Variants in KATNA1 observed in about 807,000 individuals in gnomAD.
KATNA1 encodes the protein katanin catalytic subunit A1.
In KATNA1, 42 loss-of-function variants were observed where a neutral mutation model predicts 62.6. That is an observed-to-expected ratio of 0.67 (90% confidence interval 0.52 to 0.87). The LOEUF (loss-of-function observed/expected upper bound fraction) is 0.87, where lower values mean the gene tolerates loss of function less well. Ranked by LOEUF, KATNA1 falls within the 40% of genes least tolerant of loss-of-function variation. The probability of loss-of-function intolerance (pLI) is 0.00; values close to 1 mark genes in which losing one functional copy is unlikely to be tolerated. For synonymous variants in KATNA1, 186 were observed against 201.9 expected (o/e 0.92, Z 0.67); for missense variants, 498 against 612.5 (o/e 0.81, Z 1.97).
intron 6 of KATNA1, among the ~76,000 whole-genome samples, chr6:149,602,230 G>A (rs148948040): frequency 6.6e-4 from 101 of 152,270 alleles, no homozygotes; most frequent in African/African-American, 2.4e-3. Context: ...AGCTGGGCGT[G>A]GTGGTACATG....
At position 149,601,739 on chromosome 6, in the gene KATNA1, A is replaced by G. The variant is rs1778550324; in HGVS notation, c.743T>C (p.Val248Ala). The G allele has an allele frequency of 6.2e-7, 1 of 1,602,816 alleles. No individual in the cohort carries two copies. Among genetic ancestry groups the G allele is most frequent in the Non-Finnish European group, 8.5e-7 (1 of 1,175,676 alleles). Residue 248 changes from valine to alanine, a missense_variant, in exon 7 of 11, where the codon GTC becomes GCC. Physicochemically the swap from Val to Ala is moderately conservative, Grantham distance 64. Around this residue, in one of 3 missense-constraint regions of KATNA1, gnomAD observed 267 missense variants for 372.6 expected, o/e 0.72. Transcript: ENST00000367411. ...CGTCTTCCCCGTGCCAGGTGGGCCG[A>G]CCATCAGTACTCCCTGTTGCGAATA... The part of the protein sequence containing the change: ...IRRPWKGVLM[V>A]GPPGTGKTLL...
intron 4 of KATNA1, among the ~76,000 whole-genome samples, chr6:149,614,956 G>A (rs180777132): frequency 1.2e-3 from 180 of 152,044 alleles, no homozygotes; most frequent in Admixed American, 0.011. Flanking sequence ...CCAACATGGT[G>A]AAACCGTCTC....
At chr6:149,627,900 G>A (rs1414779079) in intron 3 of KATNA1, among the ~76,000 whole-genome samples, 1 of 151,902 alleles carries the variant, frequency 6.6e-6, no homozygotes, top group Non-Finnish European at 1.5e-5. Context: ...CTGAGGGAGA[G>A]AGCTGTAAGA....
intron 4 of KATNA1, among the ~76,000 whole-genome samples, chr6:149,609,302 C>T (rs1236905502): frequency 1.3e-5 from 2 of 151,474 alleles, no homozygotes; most frequent in African/African-American, 4.9e-5. Flanking sequence ...TAGGGAAAAA[C>T]AATTCAGATG....
chr6:149,624,506 C>T (rs188633337), intron 3 of KATNA1, among the ~76,000 whole-genome samples: 4 of 152,076 alleles, frequency 2.6e-5, no homozygotes, highest in African/African-American at 4.8e-5. Flanking sequence ...CTCAGCCTCC[C>T]GAGTAGCAAG....
At chr6:149,598,428 A>C in intron 7 of KATNA1, 78 bp from the exon 8 acceptor site, 1 of 1,449,674 alleles carries the variant, frequency 6.9e-7, no homozygotes, top group Non-Finnish European at 9.5e-7. Context: ...TAGCAATCAG[A>C]AAATAGCTGA....
intron 1 of KATNA1, among the ~76,000 whole-genome samples, chr6:149,645,318 C>T (rs906987250): frequency 1.6e-4 from 24 of 152,090 alleles, no homozygotes; most frequent in Admixed American, 1.2e-3. Flanking sequence ...TGGCCAGCGC[C>T]TGTAGTCCCA....
intron 3 of KATNA1, chr6:149,631,449 T>C (rs1779831433): frequency 6.6e-6 from 1 of 152,030 alleles, no homozygotes; most frequent in South Asian, 2.1e-4. Context: ...CTGGTCCGAA[T>C]GTAGTGAGTT....
intron 3 of KATNA1, among the ~76,000 whole-genome samples, chr6:149,632,280 C>A (rs1001496269): frequency 1.3e-5 from 2 of 150,574 alleles, no homozygotes; most frequent in Non-Finnish European, 2.9e-5. Flanking sequence ...GAGGCTGAGG[C>A]AGGGAAGTCA....
chr6:149,616,535 A>C (rs182665659), intron 4 of KATNA1, among the ~76,000 whole-genome samples: 1 of 152,274 alleles, frequency 6.6e-6, no homozygotes, highest in African/African-American at 2.4e-5. Flanking sequence ...CAAGGCGGGC[A>C]GATCATCTGA....
Position 149,604,544 on chromosome 6 carries a change from G to T in KATNA1, c.623+117C>A, listed in dbSNP as rs1273015115. 4.7e-6 allele frequency: 5 copies of T among 1,069,310 alleles called. No individual in the cohort carries two copies. The East Asian group carries it at 7.1e-5, about 15-fold the overall frequency. 66.2% of individuals were successfully genotyped at this position (1,069,310 alleles called of 1,614,324 possible). The stretch of plus-strand genomic sequence containing the variant: ...AATGCAGGGAAGTCATGCTCACGCT[G>T]CACATACTCCGGTTCTGTCCTCAAG... On this transcript the variant is annotated intron_variant, in intron 5 of 10. Coordinates refer to ENST00000367411, the MANE Select transcript of KATNA1 (RefSeq NM_007044.4).
At chr6:149,621,247 C>T (rs1779382658) in intron 4 of KATNA1, among the ~76,000 whole-genome samples, 1 of 151,736 alleles carries the variant, frequency 6.6e-6, no homozygotes. Context: ...CCTCAGCCTC[C>T]CCAGTAGCTG....
At chr6:149,633,911 C>A (rs893563116) in intron 2 of KATNA1, among the ~76,000 whole-genome samples, 1 of 151,754 alleles carries the variant, frequency 6.6e-6, no homozygotes, top group Non-Finnish European at 1.5e-5. Context: ...AGCCGGAGAT[C>A]ACACCATTGC....
intron 10 of KATNA1, among the ~76,000 whole-genome samples, chr6:149,596,351 A>G (rs555037063): frequency 6.6e-6 from 1 of 152,262 alleles, no homozygotes; most frequent in South Asian, 2.1e-4. Flanking sequence ...CCTGGTCAAC[A>G]TGGTGAAACA....
intron 4 of KATNA1, among the ~76,000 whole-genome samples, chr6:149,611,462 CAAAAAAA>C (rs1179618459): frequency 2.7e-3 from 94 of 34,828 alleles, no homozygotes; most frequent in African/African-American, 7.4e-3. Flanking sequence ...AACTCTGTCT[CAAAAAAA>C]AAAAAAAAAA....
At chr6:149,603,001 G>A (rs770427183) in intron 6 of KATNA1, among the ~76,000 whole-genome samples, 5 of 152,002 alleles carry the variant, frequency 3.3e-5, no homozygotes, top group African/African-American at 7.2e-5. Flanking sequence ...GATTACAGGC[G>A]TGAGCCACCA....
chr6:149,642,028 G>A (rs1052286643), intron 1 of KATNA1, among the ~76,000 whole-genome samples: 2 of 152,024 alleles, frequency 1.3e-5, no homozygotes, highest in South Asian at 2.1e-4. Flanking sequence ...TCGGCCTCCC[G>A]AGTAGCTAGG....
intron 4 of KATNA1, among the ~76,000 whole-genome samples, chr6:149,617,573 G>A (rs1037918029): frequency 1.3e-5 from 2 of 150,556 alleles, no homozygotes; most frequent in African/African-American, 2.5e-5. Flanking sequence ...AGGCCGAGGC[G>A]GGCGGATCAC....
chr6:149,596,746 A>T (rs191691864), intron 10 of KATNA1, among the ~76,000 whole-genome samples: 10 of 151,886 alleles, frequency 6.6e-5, no homozygotes, highest in Admixed American at 6.6e-4. Flanking sequence ...AATTTTTTTC[A>T]TGGATATGAG....
Sources: gnomAD v4.1 joint callset for allele counts (sites outside exome capture counted in the v4.1 genomes callset) on GRCh38, gnomAD v4.1.1 for gene constraint, gnomAD v4.1.1 regional missense constraint, MANE v1.5 for transcripts, NCBI Gene and HGNC (gene_info 2026-07-23, HGNC 2026-07-21) for gene names.